F8: variants seen among roughly 807,000 people sequenced by gnomAD.
The protein encoded by F8 is coagulation factor VIII.
Under a neutral mutation model 140.6 loss-of-function variants are expected in F8, and 12 were observed. The observed-to-expected ratio is 0.09, with a 90% CI of 0.05 to 0.14. F8 has a LOEUF of 0.14. Among genes scored for constraint, F8 ranks in the 10% least tolerant of loss-of-function variants. F8 has a pLI of 1.00. For missense variants in F8, 1,354 were observed against 1,720.7 expected (o/e 0.79, Z 3.77); for synonymous variants, 585 against 614.6 (o/e 0.95, Z 0.71).
intron 6 of F8, among the ~76,000 whole-genome samples, chrX:154,970,666 A>G (rs1439184721): frequency 9.0e-6 from 1 of 111,613 alleles, no homozygotes; most frequent in Non-Finnish European, 1.9e-5. Flanking sequence ...GAAGGCCCCA[A>G]TAGGTTTGAT....
chrX:154,925,995 C>A (rs912010908), intron 14 of F8, among the ~76,000 whole-genome samples: 3 of 111,889 alleles, frequency 2.7e-5, no homozygotes, highest in Non-Finnish European at 5.7e-5. Flanking sequence ...GTGGGAGGGA[C>A]CTGATAGGAG....
chrX:154,865,558 C>T (rs1221510171), intron 22 of F8, among the ~76,000 whole-genome samples: 2 of 110,065 alleles, frequency 1.8e-5, no homozygotes, highest in South Asian at 3.9e-4. Context: ...TAAAATATGA[C>T]GTCGATTACA....
rs187990673 is a variant in F8 at position 154,848,110 on chromosome X, G to A, written c.6901-10358C>T. The stretch of plus-strand genomic sequence containing the variant: ...AGGCTGCAGAAGAGCGAATATTGCT[G>A]AACAGCAAATGTTGCTGCCTGATCG... On this transcript the variant is annotated intron_variant, in intron 25 of 25. Coordinates refer to ENST00000360256, the MANE Select transcript of F8 (RefSeq NM_000132.4). Among the ~76,000 whole-genome samples the A allele has an allele frequency of 8.5e-3, 957 of 112,747 alleles. 10 individuals carry two copies. The highest frequency in any genetic ancestry group is 0.029 in the African/African-American group (905 of 31,072).
Position 154,890,380 on chromosome X carries a change from T to C in F8, c.6429+5697A>G, listed in dbSNP as rs782248875. On this transcript the variant is annotated intron_variant, in intron 22 of 25. Transcript: ENST00000360256. ...AATAACTGTAAGTAATTTATCCTTA[T>C]CGTTAAAATACAAAGATTGAAGAAT... 2.1e-4 allele frequency among the ~76,000 whole-genome samples: 23 copies of C among 112,078 alleles called. No individual in the cohort carries two copies. The Admixed American group carries it at 2.1e-3, about 10-fold the overall frequency.
intron 25 of F8, among the ~76,000 whole-genome samples, chrX:154,847,619 T>C (rs2072578708): frequency 8.9e-6 from 1 of 112,410 alleles, no homozygotes; most frequent in Admixed American, 9.4e-5. Context: ...TCTCGTGCCA[T>C]GGTTTTCAGC....
intron 1 of F8, among the ~76,000 whole-genome samples, chrX:155,008,437 G>T (rs2124159182): frequency 8.9e-6 from 1 of 111,818 alleles, no homozygotes; most frequent in African/African-American, 3.2e-5. Context: ...ATGCAGAGCA[G>T]TGGCAGGGAG....
intron 6 of F8, among the ~76,000 whole-genome samples, chrX:154,972,982 G>A (rs1197749529): frequency 9.0e-6 from 1 of 111,132 alleles, no homozygotes; most frequent in Admixed American, 9.5e-5. Flanking sequence ...CAAAGTGCTG[G>A]GATTACAGGC....
chrX:154,907,386 G>A (rs1557276425), intron 14 of F8, among the ~76,000 whole-genome samples: 1 of 111,400 alleles, frequency 9.0e-6, no homozygotes, highest in Non-Finnish European at 1.9e-5. Context: ...TATAATCTTT[G>A]GCACTTTCAT....
intron 14 of F8, among the ~76,000 whole-genome samples, chrX:154,910,234 T>C (rs960987653): frequency 9.0e-6 from 1 of 111,491 alleles, no homozygotes; most frequent in African/African-American, 3.3e-5. Flanking sequence ...TGGAATACTA[T>C]GCAGCCATAA....
At position 154,928,889 on chromosome X, in the gene F8, T is replaced by C. The variant is rs1557278315; in HGVS notation, c.4901A>G (p.Glu1634Gly). The C allele has an allele frequency of 4.1e-6, 5 of 1,211,942 alleles. No homozygotes were observed. Among genetic ancestry groups the C allele is most frequent in the South Asian group, 1.8e-5 (1 of 56,978 alleles). Residue 1634 changes from glutamate (E) to glycine (G), a missense_variant, in exon 14 of 26, where the codon GAG becomes GGG. Glu to Gly is a moderately conservative substitution (Grantham distance 98). Coordinates refer to ENST00000360256, the MANE Select transcript of F8 (RefSeq NM_000132.4). ...ESNHAIAAIN[E>G]GQNKPEIEVT... ...TTCTATTTCGGGCTTATTTTGTCCC[T>C]CATTTATTGCTGCTATTGCATGATT...
intron 21 of F8, 31 bp from the exon 22 acceptor site, chrX:154,896,263 C>T (rs1569559472): frequency 1.7e-6 from 2 of 1,185,513 alleles, no homozygotes; most frequent in Admixed American, 2.2e-5. Flanking sequence ...TTATTTTAAC[C>T]TATTTTTAAA....
At chrX:154,922,241 A>T (rs782428313) in intron 14 of F8, among the ~76,000 whole-genome samples, 33 of 112,046 alleles carry the variant, frequency 2.9e-4, no homozygotes, top group Non-Finnish European at 5.3e-4. Flanking sequence ...TAGCATCTTA[A>T]CTGGTATCTC....
At chrX:154,947,014 A>G (rs2073308712) in intron 13 of F8, among the ~76,000 whole-genome samples, 2 of 110,443 alleles carry the variant, frequency 1.8e-5, no homozygotes, top group South Asian at 7.7e-4. Context: ...TCACGAGGTC[A>G]GGAAATCGAG....
intron 3 of F8, among the ~76,000 whole-genome samples, chrX:154,996,525 C>T (rs982167243): frequency 8.0e-5 from 9 of 111,919 alleles, no homozygotes; most frequent in Non-Finnish European, 1.7e-4. Flanking sequence ...GGGTAAGGTG[C>T]CCATCTCTGG....
At chrX:154,869,167 C>A (rs1377362824) in intron 22 of F8, among the ~76,000 whole-genome samples, 3 of 111,385 alleles carry the variant, frequency 2.7e-5, no homozygotes, top group Non-Finnish European at 5.7e-5. Context: ...ATATTCAGGA[C>A]TTGAACTCAG....
chrX:154,876,193 C>T (rs1243542340), intron 22 of F8, among the ~76,000 whole-genome samples: 1 of 103,968 alleles, frequency 9.6e-6, no homozygotes, highest in East Asian at 3.0e-4. Context: ...GATCTCGGCT[C>T]ACTGCAAGCT....
intron 22 of F8, among the ~76,000 whole-genome samples, chrX:154,875,959 G>A (rs782623435): frequency 2.4e-4 from 26 of 110,330 alleles, no homozygotes; most frequent in African/African-American, 4.0e-4. Flanking sequence ...ATGCCAATTC[G>A]AAAGGCCTAG....
At chrX:155,013,039 G>A (rs1393300508) in intron 1 of F8, among the ~76,000 whole-genome samples, 1 of 107,310 alleles carries the variant, frequency 9.3e-6, no homozygotes, top group Admixed American at 9.9e-5. Context: ...CCAGCTACTC[G>A]GGAGGCTGAG....
chrX:155,002,726 T>C (rs1557285716), intron 1 of F8, among the ~76,000 whole-genome samples: 1 of 111,725 alleles, frequency 9.0e-6, no homozygotes, highest in Non-Finnish European at 1.9e-5. Context: ...CTTTTGCATA[T>C]ATAGCCAGAA....
Sources: gnomAD v4.1 joint callset for allele counts (sites outside exome capture counted in the v4.1 genomes callset) on GRCh38, gnomAD v4.1.1 for gene constraint, MANE v1.5 for transcripts, NCBI Gene and HGNC (gene_info 2026-07-23, HGNC 2026-07-21) for gene names.